Variants in PLA2R1 observed in about 807,000 individuals in gnomAD.
The protein encoded by PLA2R1 is secretory phospholipase A2 receptor.
Under a neutral mutation model 195.9 loss-of-function variants are expected in PLA2R1, and 158 were observed. That is an observed-to-expected ratio of 0.81 (90% CI 0.71 to 0.92). The LOEUF is 0.92. Among genes scored for constraint, PLA2R1 ranks in the 40% least tolerant of loss-of-function variants. PLA2R1 has a pLI of 0.00. For synonymous variants in PLA2R1, 586 were observed against 598.2 expected, an observed-to-expected ratio of 0.98 and a Z score of 0.30; for missense variants, 1,626 against 1,764.6, an observed-to-expected ratio of 0.92 and a Z score of 1.41.
At chr2:160,032,111 A>G (rs911736929) in intron 4 of PLA2R1, among the ~76,000 whole-genome samples, 7 of 152,240 alleles carry the variant, frequency 4.6e-5, no homozygotes, top group African/African-American at 1.7e-4. Context: ...TATACTGTGT[A>G]TGTACACATG....
intron 1 of PLA2R1, among the ~76,000 whole-genome samples, chr2:160,061,498 G>A (rs2105733813): frequency 6.6e-6 from 1 of 152,316 alleles, no homozygotes; most frequent in South Asian, 2.1e-4. Context: ...TTCAGGCGGG[G>A]TGCGGTGGGT....
rs1574627088 is a variant in PLA2R1, at chr2:159,937,300, C to A, written c.*4478G>T. The A allele has an allele frequency of 6.6e-6, 1 of 152,300 alleles. No homozygotes were observed. Among genetic ancestry groups the A allele is most frequent in the East Asian group, 1.9e-4 (1 of 5,190 alleles). 9.4% of individuals were successfully genotyped at this position (152,300 alleles called of 1,614,324 possible). On this transcript the variant is annotated 3_prime_UTR_variant, in exon 30 of 30. Coordinates refer to ENST00000283243, the MANE Select transcript of PLA2R1 (RefSeq NM_007366.5). ...ATGAAGGCTGGGAAAAGTAAAATAT[C>A]ACTTCATTATAGTTCAGTCAATACT...
At chr2:160,035,111 T>G (rs547132982) in intron 3 of PLA2R1, among the ~76,000 whole-genome samples, 49 of 152,174 alleles carry the variant, frequency 3.2e-4, no homozygotes, top group Non-Finnish European at 6.0e-4. Flanking sequence ...TATGCAAATA[T>G]CCTAAAATCA....
At chr2:159,950,573 G>T (rs1041832757) in intron 24 of PLA2R1, among the ~76,000 whole-genome samples, 3 of 152,180 alleles carry the variant, frequency 2.0e-5, no homozygotes, top group Non-Finnish European at 4.4e-5. Context: ...GCGTTCTAAA[G>T]AATTCATGAG....
chr2:159,972,243 G>C (rs1404958030), intron 17 of PLA2R1, among the ~76,000 whole-genome samples: 1 of 152,138 alleles, frequency 6.6e-6, no homozygotes, highest in Non-Finnish European at 1.5e-5. Flanking sequence ...CTTCATAGGA[G>C]ATGCTAGAAG....
intron 6 of PLA2R1, among the ~76,000 whole-genome samples, chr2:160,025,580 C>A (rs1573922682): frequency 1.1e-4 from 7 of 64,496 alleles, no homozygotes; most frequent in Non-Finnish European, 1.6e-4. Context: ...CACATGGTAA[C>A]CATAAAGCAA....
At chr2:160,013,703 GTCTCTC>G (rs879130648) in intron 9 of PLA2R1, among the ~76,000 whole-genome samples, 7,455 of 91,184 alleles carry the variant, frequency 0.082, 506 homozygotes, top group Non-Finnish European at 0.13. Flanking sequence ...CTCTCTCTCT[GTCTCTC>G]TCTCTCTCTC....
intron 23 of PLA2R1, among the ~76,000 whole-genome samples, chr2:159,953,889 A>C (rs1687918929): frequency 6.6e-6 from 1 of 152,194 alleles, no homozygotes; most frequent in Non-Finnish European, 1.5e-5. Context: ...GCTGGAATGC[A>C]GTGGTGCGAT....
intron 2 of PLA2R1, among the ~76,000 whole-genome samples, chr2:160,043,435 T>C (rs1314362876): frequency 6.6e-6 from 1 of 152,072 alleles, no homozygotes; most frequent in Admixed American, 6.5e-5. Flanking sequence ...AAACTTTTCA[T>C]GACTCAACTG....
chr2:159,970,005 T>C, intron 18 of PLA2R1, 143 bp downstream of exon 18: 1 of 570,574 alleles, frequency 1.8e-6, no homozygotes, highest in East Asian at 3.0e-5. Context: ...TAAAAAACAC[T>C]CATGTCTTTG....
intron 6 of PLA2R1, among the ~76,000 whole-genome samples, chr2:160,027,851 T>C (rs1353693265): frequency 6.6e-6 from 1 of 152,130 alleles, no homozygotes; most frequent in Non-Finnish European, 1.5e-5. Context: ...TAAATAATTA[T>C]ATAAAATTGT....
intron 21 of PLA2R1, 122 bp from the exon 22 acceptor site, chr2:159,955,950 T>C (rs1017531670): frequency 8.9e-6 from 5 of 564,068 alleles, no homozygotes; most frequent in Non-Finnish European, 1.5e-5. Flanking sequence ...GAATCATTTA[T>C]AGGAATTTGT....
intron 18 of PLA2R1, among the ~76,000 whole-genome samples, chr2:159,969,793 T>C (rs1689033593): frequency 6.6e-6 from 1 of 152,196 alleles, no homozygotes; most frequent in South Asian, 2.1e-4. Flanking sequence ...TCCGCCCTCC[T>C]TGGCCTCCCA....
rs141629814 is a variant in PLA2R1 at position 159,958,705 on chromosome 2, C to A, written c.2905-2078G>T. 9.3e-3 allele frequency among the ~76,000 whole-genome samples: 1,418 copies of A among 152,294 alleles called. 9 individuals are homozygous for A. Among genetic ancestry groups the A allele is most frequent in the Middle Eastern group, 0.02 (6 of 294 alleles). On this transcript the variant is annotated intron_variant, in intron 20 of 29. Coordinates refer to ENST00000283243, the MANE Select transcript of PLA2R1 (RefSeq NM_007366.5). The stretch of plus-strand genomic sequence containing the variant: ...TTAGCTCAGTGGTTCTCCAACAGGA[C>A]AATTTTGCCCCTCAGGGTATATTTT...
chr2:159,989,929 G>A (rs1219827823), intron 11 of PLA2R1, among the ~76,000 whole-genome samples: 2 of 152,118 alleles, frequency 1.3e-5, no homozygotes, highest in Non-Finnish European at 1.5e-5. Context: ...TAAGATATTC[G>A]ACTCATCTTC....
intron 10 of PLA2R1, among the ~76,000 whole-genome samples, chr2:160,006,346 CA>C (rs1468043331): frequency 6.6e-6 from 1 of 152,180 alleles, no homozygotes; most frequent in Non-Finnish European, 1.5e-5. Flanking sequence ...TTATGTCTCC[CA>C]AATCAGTGTG....
intron 10 of PLA2R1, among the ~76,000 whole-genome samples, chr2:160,008,114 A>C (rs1330452819): frequency 2.0e-5 from 3 of 151,990 alleles, no homozygotes; most frequent in Non-Finnish European, 4.4e-5. Context: ...CCAGCCTGGG[A>C]AACATAGTGA....
At chr2:159,962,124 C>T (rs1478797893) in intron 20 of PLA2R1, among the ~76,000 whole-genome samples, 1 of 151,964 alleles carries the variant, frequency 6.6e-6, no homozygotes, top group Non-Finnish European at 1.5e-5. Context: ...AAAATTTTTG[C>T]AATCTATCCA....
Position 160,005,639 on chromosome 2 carries a change from A to G in PLA2R1, c.1834+13T>C. ...AAACAGGGAGGGTTGGTGATGCAGC[A>G]CACTCTACTCACGCGGCTGGTGTGT... On this transcript the variant is annotated intron_variant, in intron 11 of 29. Transcript: ENST00000283243. 6.2e-7 allele frequency: 1 copy of G among 1,608,638 alleles called. No individual in the cohort carries two copies. The highest frequency in any genetic ancestry group is 8.5e-7 in the Non-Finnish European group (1 of 1,175,888).
Sources: allele counts gnomAD v4.1 joint callset (sites outside exome capture counted in the v4.1 genomes callset), GRCh38; gene constraint gnomAD v4.1.1; transcripts MANE v1.5; gene names NCBI Gene and HGNC (gene_info 2026-07-23, HGNC 2026-07-21).